Variants in BACH2 observed in about 807,000 individuals in gnomAD.
The protein encoded by BACH2 is BACH transcriptional regulator 2.
In BACH2, 5 loss-of-function variants were observed where a neutral mutation model predicts 61.8. That is an observed-to-expected ratio of 0.08 (90% CI 0.04 to 0.17). The LOEUF is 0.17. Among genes scored for constraint, BACH2 ranks in the 10% least tolerant of loss-of-function variants. The pLI is 1.00. For missense variants in BACH2, 824 were observed against 1,091.1 expected (o/e 0.76, Z 3.45); for synonymous variants, 446 against 440.1 (o/e 1.01, Z -0.17).
intron 4 of BACH2, among the ~76,000 whole-genome samples, chr6:90,125,702 C>A (rs186009865): frequency 3.0e-4 from 45 of 152,336 alleles, no homozygotes; most frequent in African/African-American, 1.0e-3. Context: ...CGGGCACATG[C>A]ATCCCTCACA....
intron 5 of BACH2, among the ~76,000 whole-genome samples, chr6:90,042,690 AAG>A (rs745910082): frequency 6.6e-6 from 1 of 151,940 alleles, no homozygotes; most frequent in South Asian, 2.1e-4. Context: ...ACAAACCATA[AAG>A]AGATACAAAC....
chr6:90,208,487 T>TCAAAACCA (rs1441828738), intron 3 of BACH2, among the ~76,000 whole-genome samples: 3 of 152,070 alleles, frequency 2.0e-5, no homozygotes, highest in African/African-American at 7.2e-5. Flanking sequence ...GAAATGCAAA[T>TCAAAACCA]CAAAACCACA....
intron 4 of BACH2, among the ~76,000 whole-genome samples, chr6:90,098,551 C>A (rs1003987215): frequency 6.6e-6 from 1 of 152,144 alleles, no homozygotes; most frequent in Non-Finnish European, 1.5e-5. Flanking sequence ...GACATAGATT[C>A]TTTAAAAACC....
chr6:90,136,329 C>T (rs1456626804), intron 4 of BACH2, among the ~76,000 whole-genome samples: 1 of 152,166 alleles, frequency 6.6e-6, no homozygotes, highest in African/African-American at 2.4e-5. Context: ...TGGAAAGAGC[C>T]TGGTTTTGGA....
intron 4 of BACH2, among the ~76,000 whole-genome samples, chr6:90,136,032 G>A (rs1401391238): frequency 6.6e-6 from 1 of 151,828 alleles, no homozygotes; most frequent in Non-Finnish European, 1.5e-5. Flanking sequence ...TTTCTCTTTT[G>A]TCACTTCACC....
chr6:90,019,524 T>C (rs1052632005), intron 5 of BACH2, among the ~76,000 whole-genome samples: 14 of 152,000 alleles, frequency 9.2e-5, no homozygotes, highest in Non-Finnish European at 1.6e-4. Flanking sequence ...AGAAGACCAA[T>C]AGTGTTCTTC....
At chr6:90,060,617 C>G (rs1035731566) in intron 5 of BACH2, among the ~76,000 whole-genome samples, 2 of 151,758 alleles carry the variant, frequency 1.3e-5, no homozygotes, top group Non-Finnish European at 2.9e-5. Flanking sequence ...ACATCTAAAG[C>G]CCTTGGTGGG....
intron 3 of BACH2, among the ~76,000 whole-genome samples, chr6:90,225,800 G>C (rs756035757): frequency 1.3e-5 from 2 of 152,188 alleles, no homozygotes; most frequent in Non-Finnish European, 2.9e-5. Context: ...AATTAGAACT[G>C]TGGTGGAGGA....
intron 6 of BACH2, among the ~76,000 whole-genome samples, chr6:89,995,681 AT>A (rs1776806348): frequency 6.6e-6 from 1 of 152,130 alleles, no homozygotes; most frequent in East Asian, 1.9e-4. Flanking sequence ...CTGTACCTGA[AT>A]TTGTTCATGG....
intron 4 of BACH2, among the ~76,000 whole-genome samples, chr6:90,196,023 G>C (rs1288314957): frequency 6.6e-6 from 1 of 152,078 alleles, no homozygotes; most frequent in Non-Finnish European, 1.5e-5. Flanking sequence ...TCCTCAGTTT[G>C]CAAATAAAGA....
intron 4 of BACH2, among the ~76,000 whole-genome samples, chr6:90,103,030 T>TATA (rs371402979): frequency 0.016 from 332 of 20,208 alleles, 1 homozygote; most frequent in Non-Finnish European, 0.022. Context: ...TATATATATA[T>TATA]TTTTTTTTTT....
chr6:89,983,892 G>C (rs80007590), intron 6 of BACH2, among the ~76,000 whole-genome samples: 3,814 of 152,226 alleles, frequency 0.025, 246 homozygotes, highest in Admixed American at 0.14. Context: ...ACAGTTATAG[G>C]GGATAACACA....
chr6:90,088,867 G>A (rs1782038962), intron 5 of BACH2, 94 bp downstream of exon 5: 1 of 152,040 alleles, frequency 6.6e-6, no homozygotes, highest in Non-Finnish European at 1.5e-5. Flanking sequence ...AAAAAAAAAA[G>A]TAATTCATGT....
intron 6 of BACH2, among the ~76,000 whole-genome samples, chr6:89,992,182 G>C (rs1776612969): frequency 6.6e-6 from 1 of 152,136 alleles, no homozygotes; most frequent in Non-Finnish European, 1.5e-5. Flanking sequence ...TTTTTACAAA[G>C]TATGCAAATG....
chr6:89,967,883 G>C (rs1310507293), intron 6 of BACH2, among the ~76,000 whole-genome samples: 1 of 152,152 alleles, frequency 6.6e-6, no homozygotes, highest in Non-Finnish European at 1.5e-5. Context: ...GAGAGTCTCT[G>C]AGTTAATGCT....
At chr6:90,235,996 C>T (rs1470009933) in intron 3 of BACH2, among the ~76,000 whole-genome samples, 3 of 152,258 alleles carry the variant, frequency 2.0e-5, no homozygotes, top group Non-Finnish European at 4.4e-5. Flanking sequence ...GATTTTGGTC[C>T]TGTGGCTATT....
intron 6 of BACH2, among the ~76,000 whole-genome samples, chr6:89,952,528 T>C (rs1305170316): frequency 6.6e-6 from 1 of 152,166 alleles, no homozygotes; most frequent in African/African-American, 2.4e-5. Context: ...GTGCTCAAGA[T>C]GAAATCAACC....
chr6:90,066,530 C>T (rs138603778), intron 5 of BACH2, among the ~76,000 whole-genome samples: 204 of 152,194 alleles, frequency 1.3e-3, no homozygotes, highest in African/African-American at 4.3e-3. Context: ...AATCCAGGAA[C>T]GAGGGAGCAA....
intron 4 of BACH2, among the ~76,000 whole-genome samples, chr6:90,189,515 G>A (rs1341221633): frequency 2.6e-5 from 4 of 151,732 alleles, no homozygotes; most frequent in African/African-American, 9.7e-5. Flanking sequence ...GGCTGAGGCA[G>A]GAGAATGGCG....
Sources: allele counts gnomAD v4.1 joint callset (sites outside exome capture counted in the v4.1 genomes callset), GRCh38; gene constraint gnomAD v4.1.1; transcripts MANE v1.5; gene names NCBI Gene and HGNC (gene_info 2026-07-23, HGNC 2026-07-21).